Variants in WDFY4 observed in about 807,000 individuals in gnomAD.
WDFY4 encodes the protein WD repeat- and FYVE domain-containing protein 4.
WDFY4 carries 169 observed loss-of-function variants against 351.9 expected under a neutral mutation model. The observed-to-expected ratio is 0.48, with a 90% CI of 0.42 to 0.55. WDFY4 has a LOEUF of 0.55. WDFY4 is among the 20% of genes least tolerant of loss of function. WDFY4 has a pLI of 0.00. For missense variants in WDFY4, 3,803 were observed against 3,935.6 expected (o/e 0.97, Z 0.90); for synonymous variants, 1,622 against 1,574.6 (o/e 1.03, Z -0.71).
chr10:48,910,277 G>A (rs1564472719), intron 47 of WDFY4: 1 of 1,596,582 alleles, frequency 6.3e-7, no homozygotes, highest in Non-Finnish European at 8.6e-7. Flanking sequence ...GGAGACACAA[G>A]AAGGTGAGGC....
intron 1 of WDFY4, among the ~76,000 whole-genome samples, chr10:48,698,316 C>G (rs560007284): frequency 6.6e-6 from 1 of 152,350 alleles, no homozygotes; most frequent in South Asian, 2.1e-4. Context: ...TCTGATGTCA[C>G]TCTCCTGTTC....
At chr10:48,774,177 G>C (rs541557853) in intron 13 of WDFY4, among the ~76,000 whole-genome samples, 1 of 152,366 alleles carries the variant, frequency 6.6e-6, no homozygotes, top group Admixed American at 6.5e-5. Context: ...GCAGCCTCCT[G>C]CCTGCTGGCA....
intron 2 of WDFY4, among the ~76,000 whole-genome samples, chr10:48,712,867 A>G (rs370240540): frequency 2.0e-5 from 3 of 152,198 alleles, no homozygotes; most frequent in Non-Finnish European, 4.4e-5. Context: ...GTGGCTGTTA[A>G]CATCAAAGCC....
Position 48,743,468 on chromosome 10 carries a change from G to T in WDFY4, c.2379G>T (p.Gly793=), listed in dbSNP as rs1235463896. 1 of 1,548,292 alleles carries T rather than the reference G, an allele frequency of 6.5e-7. No homozygotes were observed. ...AGGAGTCCCTGAGGACCAAGCAGGG[G>T]CCGGTTGTGGATGTTCAGAAGGGAG... ...DLKESLRTKQ[G]PVVDVQKGET... is the part of the protein sequence containing the mutation. Residue 793 remains glycine, a synonymous_variant, in exon 12 of 62, where the codon GGG becomes GGT. Transcript: ENST00000325239.
intron 11 of WDFY4, among the ~76,000 whole-genome samples, chr10:48,738,507 G>A (rs1221101188): frequency 6.6e-6 from 1 of 152,178 alleles, no homozygotes; most frequent in Non-Finnish European, 1.5e-5. Context: ...GGCAGTTGGA[G>A]GGCCCAGGAG....
intron 2 of WDFY4, among the ~76,000 whole-genome samples, chr10:48,718,248 G>A (rs1405913004): frequency 6.6e-6 from 1 of 151,968 alleles, no homozygotes; most frequent in Non-Finnish European, 1.5e-5. Flanking sequence ...TTAGGAGTCT[G>A]GATACTAATC....
intron 47 of WDFY4, among the ~76,000 whole-genome samples, chr10:48,911,715 G>A (rs1343244591): frequency 1.3e-5 from 2 of 152,154 alleles, no homozygotes; most frequent in Non-Finnish European, 2.9e-5. Context: ...TGCCAGCATT[G>A]CAGCTGACAT....
intron 13 of WDFY4, among the ~76,000 whole-genome samples, chr10:48,768,473 C>G (rs953083054): frequency 6.6e-6 from 1 of 152,142 alleles, no homozygotes; most frequent in Non-Finnish European, 1.5e-5. Flanking sequence ...GTTTCCTTTC[C>G]CCGAAAGCCC....
intron 13 of WDFY4, 82 bp downstream of exon 13, chr10:48,760,522 T>A: frequency 1.4e-6 from 2 of 1,406,346 alleles, no homozygotes; most frequent in Non-Finnish European, 2.0e-6. Flanking sequence ...ACAGCTTTTT[T>A]CCTTTTGTCC....
intron 35 of WDFY4, 28 bp from the exon 36 acceptor site, chr10:48,826,643 G>A (rs769947729): frequency 1.3e-6 from 2 of 1,504,872 alleles, no homozygotes; most frequent in African/African-American, 1.4e-5. Flanking sequence ...ACAAGTTTGT[G>A]TATGTGTATG....
At chr10:48,774,776 G>A in intron 14 of WDFY4, 104 bp downstream of exon 14, 1 of 1,365,066 alleles carries the variant, frequency 7.3e-7, no homozygotes, top group Non-Finnish European at 1.0e-6. Flanking sequence ...GACAGATGGA[G>A]GGCACGGCTC....
intron 12 of WDFY4, among the ~76,000 whole-genome samples, chr10:48,758,588 G>A (rs1323850077): frequency 6.6e-6 from 1 of 152,100 alleles, no homozygotes; most frequent in Non-Finnish European, 1.5e-5. Flanking sequence ...CCTTGAGTCT[G>A]TCTTTATTTT....
At chr10:48,831,105 C>T (rs1426742775) in intron 38 of WDFY4, among the ~76,000 whole-genome samples, 1 of 152,144 alleles carries the variant, frequency 6.6e-6, no homozygotes, top group Non-Finnish European at 1.5e-5. Flanking sequence ...AGGAGCCAAC[C>T]AAGCAGGAAG....
intron 39 of WDFY4, among the ~76,000 whole-genome samples, chr10:48,848,734 G>A (rs541004006): frequency 2.0e-5 from 3 of 152,320 alleles, no homozygotes; most frequent in Admixed American, 6.5e-5. Flanking sequence ...CCCTCACGGC[G>A]ACACAGAATG....
At chr10:48,729,652 A>T in intron 8 of WDFY4, 63 bp downstream of exon 8, 1 of 1,525,314 alleles carries the variant, frequency 6.6e-7, no homozygotes, top group East Asian at 2.5e-5. Flanking sequence ...AAGGCTACAG[A>T]GGGTCTTCTC....
At chr10:48,852,569 T>G (rs925896183) in intron 39 of WDFY4, among the ~76,000 whole-genome samples, 4 of 152,154 alleles carry the variant, frequency 2.6e-5, no homozygotes, top group Non-Finnish European at 4.4e-5. Context: ...CATTCACCAC[T>G]CTGTTCAAGA....
At chr10:48,959,545 C>T (rs889843508) in intron 52 of WDFY4, among the ~76,000 whole-genome samples, 177 bp from the exon 53 acceptor site, 1 of 152,202 alleles carries the variant, frequency 6.6e-6, no homozygotes, top group African/African-American at 2.4e-5. Flanking sequence ...GGCCTAGAAG[C>T]CATGCTGAGG....
chr10:48,837,269 G>A (rs975036881), intron 39 of WDFY4, among the ~76,000 whole-genome samples: 4 of 151,978 alleles, frequency 2.6e-5, no homozygotes, highest in African/African-American at 9.7e-5. Context: ...CTGTGCAGAG[G>A]AGAGCTCTCG....
chr10:48,763,589 T>C (rs1398037201), intron 13 of WDFY4, among the ~76,000 whole-genome samples: 1 of 152,248 alleles, frequency 6.6e-6, no homozygotes, highest in Non-Finnish European at 1.5e-5. Context: ...CAGTTTTAGA[T>C]GAATTCCCTG....
Sources: allele counts gnomAD v4.1 joint callset (sites outside exome capture counted in the v4.1 genomes callset), GRCh38; gene constraint gnomAD v4.1.1; transcripts MANE v1.5; gene names NCBI Gene and HGNC (gene_info 2026-07-23, HGNC 2026-07-21).